NEDD4L: variants seen among roughly 807,000 people sequenced by gnomAD.
NEDD4L encodes E3 ubiquitin-protein ligase NEDD4-like.
A neutral mutation model predicts 148.9 loss-of-function variants in NEDD4L; 54 were observed. That is an observed-to-expected ratio of 0.36 (90% CI 0.29 to 0.45). The LOEUF is 0.45. Among genes scored for constraint, NEDD4L ranks in the 20% least tolerant of loss-of-function variants. The pLI, the probability that NEDD4L is intolerant of heterozygous loss-of-function variation, is 1.00. For synonymous variants in NEDD4L, 433 were observed against 440.7 expected, an observed-to-expected ratio of 0.98 and a Z score of 0.22; for missense variants, 856 against 1,233.8, an observed-to-expected ratio of 0.69 and a Z score of 4.59.
intron 2 of NEDD4L, among the ~76,000 whole-genome samples, chr18:58,190,206 A>G (rs1212979171): frequency 6.6e-6 from 1 of 152,212 alleles, no homozygotes; most frequent in African/African-American, 2.4e-5. Context: ...AACACACTTC[A>G]TGCAAAGAAA....
At chr18:58,144,229 G>A (rs1568279104) in intron 1 of NEDD4L, among the ~76,000 whole-genome samples, 1 of 152,060 alleles carries the variant, frequency 6.6e-6, no homozygotes, top group Non-Finnish European at 1.5e-5. Context: ...TCTTGGCTCT[G>A]CACGCTGTAC....
In NEDD4L at chr18:58,195,764, A is replaced by G. The variant is rs761386961; in HGVS notation, c.122+29903A>G. On this transcript the variant is annotated intron_variant, in intron 2 of 30. Transcript: ENST00000400345. The stretch of plus-strand genomic sequence containing the variant: ...TGCCACCGAAGGTTCCGTTCCCTTT[A>G]TTACTCGATTAGTGCCCACAGCATC... 2.4e-6 allele frequency: 3 copies of G among 1,274,988 alleles called. No individual in the cohort carries two copies. The East Asian group carries it at 1.4e-4, about 59-fold the overall frequency. The allele number at this position is 1,274,988 out of a possible 1,614,324, so 79.0% of individuals were successfully genotyped here. A position where few individuals can be genotyped will look rare whatever the true frequency, so the allele number is the denominator to read the frequency against.
chr18:58,109,219 G>T (rs1030872748), intron 1 of NEDD4L, among the ~76,000 whole-genome samples: 1 of 152,216 alleles, frequency 6.6e-6, no homozygotes, highest in Non-Finnish European at 1.5e-5. Context: ...CCAGGAGGGC[G>T]TGATAAGTGC....
Position 58,349,634 on chromosome 18 carries a change from A to T in NEDD4L, c.1653+20A>T. 1.3e-6 allele frequency: 2 copies of T among 1,578,452 alleles called. No individual in the cohort carries two copies. Among genetic ancestry groups the T allele is most frequent in the Non-Finnish European group, 1.7e-6 (2 of 1,147,544 alleles). On this transcript the variant is annotated intron_variant, in intron 17 of 30. Coordinates refer to ENST00000400345, the MANE Select transcript of NEDD4L (RefSeq NM_001144967.3). ...CTTCCTGTGAGTACACTGGAGACAC[A>T]TGGAATGGTCTGAATATGTGTGTTC...
chr18:58,148,149 G>T (rs1030916120), intron 1 of NEDD4L, among the ~76,000 whole-genome samples: 2 of 146,196 alleles, frequency 1.4e-5, no homozygotes, highest in Non-Finnish European at 3.0e-5. Flanking sequence ...AACAGAAATT[G>T]ATTCCACACT....
chr18:58,259,405 G>C (rs927755320), intron 5 of NEDD4L, among the ~76,000 whole-genome samples: 1 of 152,182 alleles, frequency 6.6e-6, no homozygotes, highest in African/African-American at 2.4e-5. Flanking sequence ...TAGTCATTTA[G>C]TGAGTAATTT....
intron 5 of NEDD4L, among the ~76,000 whole-genome samples, chr18:58,299,835 C>T (rs943704709): frequency 6.6e-6 from 1 of 151,972 alleles, no homozygotes; most frequent in African/African-American, 2.4e-5. Context: ...AGATGGTATC[C>T]AAAGTAAGGC....
chr18:58,342,924 G>C lies in NEDD4L; in HGVS notation c.1396G>C (p.Val466Leu), dbSNP rs757173296. The C allele has an allele frequency of 1.6e-5, 25 of 1,610,302 alleles. No individual in the cohort carries two copies. The highest frequency in any genetic ancestry group is 2.1e-5 in the Non-Finnish European group (25 of 1,178,310). Residue 466 changes from valine to leucine, a missense_variant, in exon 16 of 31, where the codon GTA becomes CTA. By Grantham distance (32) the Val-to-Leu change is conservative. Transcript: ENST00000400345. ...APLEGAKDSP[V>L]RRAVKDTLSN... Reference sequence around the variant, plus strand: ...TCTTTAGGGTGCCAAGGACTCACCCGTACGTCGGGCTGTGAAAGACACCCT... The same window carrying C: ...TCTTTAGGGTGCCAAGGACTCACCCCTACGTCGGGCTGTGAAAGACACCCT...
chr18:58,204,502 C>T (rs1307785805), intron 2 of NEDD4L, among the ~76,000 whole-genome samples: 1 of 152,104 alleles, frequency 6.6e-6, no homozygotes, highest in African/African-American at 2.4e-5. Context: ...AAAGTAAGTC[C>T]GTTGACTTCA....
Position 58,143,038 on chromosome 18 carries a change from C to T in NEDD4L, c.49-22750C>T, listed in dbSNP as rs149836769. On this transcript the variant is annotated intron_variant, in intron 1 of 30. Coordinates refer to ENST00000400345, the MANE Select transcript of NEDD4L (RefSeq NM_001144967.3). ...AGCATGCGGAGCAGACAGGTGCCTG[C>T]TGCAGGTCAGGAGAGCTGGCCCCAA... 6.7e-3 allele frequency among the ~76,000 whole-genome samples: 1,017 copies of T among 152,276 alleles called. 13 individuals are homozygous for T. The highest frequency in any genetic ancestry group is 0.023 in the African/African-American group (959 of 41,550).
At chr18:58,082,146 C>T (rs1228397582) in intron 1 of NEDD4L, among the ~76,000 whole-genome samples, 1 of 113,178 alleles carries the variant, frequency 8.8e-6, no homozygotes, top group East Asian at 2.7e-4. Context: ...TTGCTCTTGT[C>T]GCCCAGACTG....
chr18:58,213,500 C>T (rs376542155), intron 2 of NEDD4L, among the ~76,000 whole-genome samples: 1 of 152,172 alleles, frequency 6.6e-6, no homozygotes, highest in Non-Finnish European at 1.5e-5. Flanking sequence ...CGCATTCCTC[C>T]TGTGCCCATA....
chr18:58,307,712 A>G (rs1338313552), intron 5 of NEDD4L, among the ~76,000 whole-genome samples: 2 of 152,210 alleles, frequency 1.3e-5, no homozygotes, highest in African/African-American at 4.8e-5. Context: ...GAGATATGTG[A>G]GGAAGAGCTT....
At chr18:58,379,952 A>G (rs2048118625) in intron 24 of NEDD4L, among the ~76,000 whole-genome samples, 2 of 152,002 alleles carry the variant, frequency 1.3e-5, no homozygotes, top group South Asian at 4.2e-4. Flanking sequence ...TCACTCCCCC[A>G]CAGAGAAACC....
chr18:58,342,291 T>C (rs899558340), intron 15 of NEDD4L, among the ~76,000 whole-genome samples: 1 of 152,182 alleles, frequency 6.6e-6, no homozygotes, highest in African/African-American at 2.4e-5. Context: ...GTGCTCTCTG[T>C]CGTGTTTGTG....
At chr18:58,321,372 A>G (rs1313401231) in intron 6 of NEDD4L, among the ~76,000 whole-genome samples, 1 of 152,242 alleles carries the variant, frequency 6.6e-6, no homozygotes, top group East Asian at 1.9e-4. Context: ...CTGCCTGTGC[A>G]TGGGCCCTAC....
chr18:58,317,138 A>G (rs533635704), intron 6 of NEDD4L, among the ~76,000 whole-genome samples: 1 of 152,350 alleles, frequency 6.6e-6, no homozygotes, highest in East Asian at 1.9e-4. Flanking sequence ...CAAGGTTCCA[A>G]AGGACTGGAA....
intron 2 of NEDD4L, among the ~76,000 whole-genome samples, chr18:58,198,100 A>G (rs1281714185): frequency 6.6e-6 from 1 of 152,170 alleles, no homozygotes; most frequent in African/African-American, 2.4e-5. Flanking sequence ...GGATAGGTAA[A>G]GTTAGCCCTT....
intron 2 of NEDD4L, among the ~76,000 whole-genome samples, chr18:58,203,819 T>A (rs1293348573): frequency 1.3e-5 from 2 of 152,142 alleles, no homozygotes; most frequent in African/African-American, 4.8e-5. Flanking sequence ...CCTAAAAACT[T>A]GTAGCATTTG....
Sources: allele counts gnomAD v4.1 joint callset (sites outside exome capture counted in the v4.1 genomes callset), GRCh38; gene constraint gnomAD v4.1.1; transcripts MANE v1.5; gene names NCBI Gene and HGNC (gene_info 2026-07-23, HGNC 2026-07-21).